The following PPP1CC variants were observed in gnomAD, a reference collection of about 807,000 sequenced individuals.
PPP1CC encodes serine/threonine-protein phosphatase PP1-gamma catalytic subunit.
A neutral mutation model predicts 38.4 loss-of-function variants in PPP1CC; 16 were observed. That is an observed-to-expected ratio of 0.42 (90% CI 0.28 to 0.63). PPP1CC has a LOEUF of 0.63. PPP1CC is among the 30% of genes least tolerant of loss of function. The pLI is 0.25. For missense variants in PPP1CC, 170 were observed against 391.3 expected (o/e 0.43, Z 4.77); for synonymous variants, 158 against 136.0 (o/e 1.16, Z -1.13).
chr12:110,709,641 C>A, the PPP1CC span, among the ~76,000 whole-genome samples: 1 of 150,788 alleles, frequency 6.6e-6, no homozygotes, highest in Non-Finnish European at 1.5e-5. Flanking sequence ...TCACTGCAAC[C>A]TTTGCCTCCC....
chr12:110,713,313 T>C, the PPP1CC span, among the ~76,000 whole-genome samples: 1 of 152,026 alleles, frequency 6.6e-6, no homozygotes, highest in Non-Finnish European at 1.5e-5. Flanking sequence ...TTTTGCATTT[T>C]AGTAGAGATG....
intron 1 of PPP1CC, among the ~76,000 whole-genome samples, chr12:110,742,418 C>T (rs925915379): frequency 2.6e-5 from 4 of 152,184 alleles, no homozygotes; most frequent in Admixed American, 1.3e-4. Context: ...AGGAAGCCTG[C>T]ATCCTCGTGC....
chr12:110,710,079 T>G, the PPP1CC span, among the ~76,000 whole-genome samples: 2 of 151,480 alleles, frequency 1.3e-5, no homozygotes, highest in Non-Finnish European at 1.5e-5. Flanking sequence ...AAAAAATTAG[T>G]AAACTAGAAG....
At position 110,731,840 on chromosome 12, in the gene PPP1CC, G is replaced by A. The variant is rs2069875635; in HGVS notation, c.117C>T (p.Cys39=). Reference sequence around the variant, plus strand: ...TGAGAAAGATTTCACGAGACTTTAAGCACAGTCCTCTGATTTCATTCTCCT... The same window carrying A: ...TGAGAAAGATTTCACGAGACTTTAAACACAGTCCTCTGATTTCATTCTCCT... ...QLQENEIRGL[C]LKSREIFLSQ... Residue 39 remains cysteine, a synonymous_variant, in exon 2 of 7, where the codon TGC becomes TGT. Coordinates refer to ENST00000335007, the MANE Select transcript of PPP1CC (RefSeq NM_002710.4). 6.2e-7 allele frequency: 1 copy of A among 1,613,800 alleles called. No individual in the cohort carries two copies.
chr12:110,724,535 C>A, intron 4 of PPP1CC, 125 bp downstream of exon 4: 1 of 625,620 alleles, frequency 1.6e-6, no homozygotes, highest in Non-Finnish European at 2.9e-6. Context: ...AAGTGCAATG[C>A]AACACATCAA....
intron 2 of PPP1CC, 98 bp from the exon 3 acceptor site, chr12:110,730,857 T>G: frequency 2.7e-6 from 2 of 754,530 alleles, no homozygotes; most frequent in Non-Finnish European, 4.3e-6. Flanking sequence ...CATTGTACAA[T>G]GGCATTGACC....
intron 1 of PPP1CC, among the ~76,000 whole-genome samples, chr12:110,735,262 G>A (rs182596028): frequency 4.0e-5 from 6 of 151,714 alleles, no homozygotes; most frequent in Admixed American, 6.6e-5. Flanking sequence ...TTATTTACTC[G>A]TTGTAGTTAA....
chr12:110,716,623 G>C (rs2069689916), downstream of PPP1CC, among the ~76,000 whole-genome samples: 1 of 152,124 alleles, frequency 6.6e-6, no homozygotes. Context: ...AATCACGCTG[G>C]AATTACAGGC....
At chr12:110,731,934 A>C (rs192722090) in intron 1 of PPP1CC, 33 bp from the exon 2 acceptor site, 1 of 1,605,426 alleles carries the variant, frequency 6.2e-7, no homozygotes, top group Non-Finnish European at 8.5e-7. Flanking sequence ...AGTCCAATGA[A>C]GCCAAAATAC....
chr12:110,729,702 T>G (rs546148162), intron 3 of PPP1CC, among the ~76,000 whole-genome samples: 1 of 150,162 alleles, frequency 6.7e-6, no homozygotes, highest in African/African-American at 2.5e-5. Context: ...AAAAACTAAT[T>G]ATTTACGTAT....
At chr12:110,739,222 C>T (rs560759864) in intron 1 of PPP1CC, among the ~76,000 whole-genome samples, 4 of 152,162 alleles carry the variant, frequency 2.6e-5, no homozygotes, top group South Asian at 2.1e-4. Context: ...ACACCAAAAT[C>T]GCTTGAACCC....
rs1394898941 is a variant in PPP1CC, at chr12:110,722,171, C to G, written c.846G>C (p.Met282Ile). ...ACATTAGTGTTTCATCCACACTCATCATGGCACCTGCATTGTCAAACTCTC... is the reference window on the plus strand; with the variant it reads ...ACATTAGTGTTTCATCCACACTCATGATGGCACCTGCATTGTCAAACTCTC... ...YCGEFDNAGA[M>I]MSVDETLMCS... The change falls in exon 6 of 7, where the codon ATG (methionine) becomes ATC (isoleucine). Residue 282 changes from methionine to isoleucine, a missense_variant. This residue lies in a region of PPP1CC where 117 missense variants were observed against 344.4 expected (regional missense o/e 0.34). Coordinates refer to ENST00000335007, the MANE Select transcript of PPP1CC (RefSeq NM_002710.4). This position sits in a 1 kb window ranked among gnomAD's most constrained non-coding sequence, Gnocchi z 5.4. 2.5e-6 allele frequency: 4 copies of G among 1,614,096 alleles called. No individual in the cohort carries two copies. Among genetic ancestry groups the G allele is most frequent in the Non-Finnish European group, 3.4e-6 (4 of 1,180,024 alleles).
At chr12:110,731,699 G>A (rs2069873708) in intron 2 of PPP1CC, 71 bp downstream of exon 2, 6 of 1,500,108 alleles carry the variant, frequency 4.0e-6, no homozygotes, top group Non-Finnish European at 4.5e-6. Flanking sequence ...GCTAATACAA[G>A]GTCATCAACA....
chr12:110,730,337 C>T (rs1036110479), intron 3 of PPP1CC, among the ~76,000 whole-genome samples, 192 bp downstream of exon 3: 1 of 152,132 alleles, frequency 6.6e-6, no homozygotes, highest in Non-Finnish European at 1.5e-5. Context: ...CCAGCCTGGG[C>T]AACAGAGTGA....
intron 3 of PPP1CC, 85 bp from the exon 4 acceptor site, chr12:110,724,849 G>A (rs1290161452): frequency 2.8e-6 from 2 of 725,680 alleles, no homozygotes; most frequent in Non-Finnish European, 4.7e-6. Context: ...TTCCCCCAAA[G>A]CAAGATTCTG....
chr12:110,727,502 G>A (rs1036123409), intron 3 of PPP1CC, among the ~76,000 whole-genome samples: 10 of 151,766 alleles, frequency 6.6e-5, no homozygotes, highest in East Asian at 1.9e-4. Context: ...CCTGTAATGC[G>A]GTTTCGCATT....
intron 1 of PPP1CC, 168 bp from the exon 2 acceptor site, chr12:110,732,069 T>C: frequency 4.2e-6 from 3 of 706,228 alleles, no homozygotes; most frequent in Non-Finnish European, 6.8e-6. Flanking sequence ...CTTAAAATCT[T>C]AGACAAGACT....
At chr12:110,732,845 T>C (rs1426734758) in intron 1 of PPP1CC, 1 of 152,250 alleles carries the variant, frequency 6.6e-6, no homozygotes, top group Non-Finnish European at 1.5e-5. Flanking sequence ...AAAGAAATTT[T>C]GTTTTGGTTC....
chr12:110,736,471 G>C lies in PPP1CC; in HGVS notation c.56-4570C>G, dbSNP rs113903912. On this transcript the variant is annotated intron_variant, in intron 1 of 6. Transcript: ENST00000335007. ...CTAGCCTGGGCAACATGGTGAAATT[G>C]AGTCTCTACCAAAAATACAAAATAT... Among the ~76,000 whole-genome samples the C allele has an allele frequency of 1.5e-3, 225 of 151,992 alleles. 1 individual carries two copies. Among genetic ancestry groups the C allele is most frequent in the African/African-American group, 5.1e-3 (211 of 41,450 alleles).
Sources: allele counts gnomAD v4.1 joint callset (sites outside exome capture counted in the v4.1 genomes callset), GRCh38; gene constraint gnomAD v4.1.1; regional missense constraint gnomAD v4.1.1; non-coding constraint Gnocchi (gnomAD v3.1); transcripts MANE v1.5; gene names NCBI Gene and HGNC (gene_info 2026-07-23, HGNC 2026-07-21).